Variants in CSMD3 observed in about 807,000 individuals in gnomAD.
CSMD3 encodes the protein CUB and sushi domain-containing protein 3.
In CSMD3, 177 loss-of-function variants were observed where a neutral mutation model predicts 435.2. The observed-to-expected ratio is 0.41, with a 90% CI of 0.36 to 0.46. CSMD3 has a LOEUF of 0.46. Ranked by LOEUF, CSMD3 falls within the 20% of genes least tolerant of loss-of-function variation. The pLI is 0.34. For synonymous variants in CSMD3, 1,656 were observed against 1,520.5 expected (o/e 1.09, Z -2.07); for missense variants, 4,265 against 4,504.6 (o/e 0.95, Z 1.52).
intron 13 of CSMD3, among the ~76,000 whole-genome samples, chr8:112,750,844 T>C (rs2077553113): frequency 6.6e-6 from 1 of 152,122 alleles, no homozygotes; most frequent in Non-Finnish European, 1.5e-5. Flanking sequence ...AGCACAGATT[T>C]GAACTGTTTG....
intron 61 of CSMD3, among the ~76,000 whole-genome samples, chr8:112,257,634 A>C (rs2130309352): frequency 6.6e-6 from 1 of 152,342 alleles, no homozygotes; most frequent in Non-Finnish European, 1.5e-5. Flanking sequence ...ATCAGAGAGG[A>C]CACAAATAAA....
chr8:113,312,375 G>A (rs556752112), intron 2 of CSMD3: 1 of 152,028 alleles, frequency 6.6e-6, no homozygotes. Flanking sequence ...AATGTTAAGG[G>A]TTAGAGTCAC....
intron 34 of CSMD3, 88 bp from the exon 35 acceptor site, chr8:112,406,815 AATC>A (rs1831902278): frequency 4.0e-6 from 3 of 756,448 alleles, no homozygotes; most frequent in Non-Finnish European, 6.2e-6. Context: ...ATTTTTGAGA[AATC>A]ATCACTTTTT....
At chr8:112,367,944 T>G (rs1827945234) in intron 38 of CSMD3, among the ~76,000 whole-genome samples, 2 of 152,288 alleles carry the variant, frequency 1.3e-5, no homozygotes, top group Non-Finnish European at 2.9e-5. Context: ...CAATAAGCAC[T>G]TTATTTATTT....
intron 3 of CSMD3, among the ~76,000 whole-genome samples, chr8:113,200,202 T>C (rs997146362): frequency 6.6e-6 from 1 of 150,914 alleles, no homozygotes; most frequent in African/African-American, 2.5e-5. Context: ...CTCTTATTCT[T>C]TTTTTTTCCT....
At chr8:112,913,658 CCT>C (rs1274271194) in intron 10 of CSMD3, among the ~76,000 whole-genome samples, 1 of 151,764 alleles carries the variant, frequency 6.6e-6, no homozygotes, top group Non-Finnish European at 1.5e-5. Context: ...CACCCCTCTC[CCT>C]CTGTTTTTCT....
Position 112,408,344 on chromosome 8 carries a change from G to T in CSMD3, c.5579C>A (p.Ala1860Asp). The T allele has an allele frequency of 1.2e-6, 2 of 1,609,066 alleles. No homozygotes were observed. The highest frequency in any genetic ancestry group is 1.7e-6 in the Non-Finnish European group (2 of 1,175,810). Reference sequence around the variant, plus strand: ...TTGGTAAACAAAGTGAAATCCCTTAGCTGTTATTGGTCCAACTGAAGTAAA... The same window carrying T: ...TTGGTAAACAAAGTGAAATCCCTTATCTGTTATTGGTCCAACTGAAGTAAA... ...IRFTSVGPIT[A>D]KGFHFVYQAV... Residue 1860 changes from alanine (A) to aspartate (D), a missense_variant, in exon 34 of 71, where the codon GCT becomes GAT. Transcript: ENST00000297405.
At chr8:113,058,585 A>T (rs1331467037) in intron 5 of CSMD3, among the ~76,000 whole-genome samples, 1 of 151,988 alleles carries the variant, frequency 6.6e-6, no homozygotes, top group Admixed American at 6.6e-5. Flanking sequence ...TATATTAGAA[A>T]CATTCATAAT....
intron 27 of CSMD3, among the ~76,000 whole-genome samples, chr8:112,517,866 G>T (rs760641360): frequency 2.6e-5 from 4 of 152,120 alleles, no homozygotes; most frequent in African/African-American, 9.7e-5. Flanking sequence ...ACTTTCTTAC[G>T]AAACTAACCA....
intron 28 of CSMD3, among the ~76,000 whole-genome samples, chr8:112,507,119 C>T (rs986913440): frequency 2.0e-5 from 3 of 151,692 alleles, no homozygotes; most frequent in African/African-American, 7.3e-5. Flanking sequence ...TGTTTCATGT[C>T]AAAAGAAAAG....
chr8:113,010,837 G>T lies in CSMD3; in HGVS notation c.1030+8230C>A, dbSNP rs112918925. ...ATTTTCTTTTTAATTATAAACCAGA[G>T]TCACTACAGTATCAATGCTATGAAG... is the stretch of plus-strand genomic sequence containing the variant. On this transcript the variant is annotated intron_variant, in intron 6 of 70. Transcript: ENST00000297405. Among the ~76,000 whole-genome samples the T allele has an allele frequency of 8.3e-3, 1,252 of 151,586 alleles. 30 individuals are homozygous for T. Among genetic ancestry groups the T allele is most frequent in the African/African-American group, 0.029 (1,185 of 41,468 alleles).
At chr8:112,877,177 T>C (rs1487260609) in intron 10 of CSMD3, among the ~76,000 whole-genome samples, 1 of 152,074 alleles carries the variant, frequency 6.6e-6, no homozygotes, top group African/African-American at 2.4e-5. Flanking sequence ...AAAATGGCAA[T>C]ACTGCCCAAA....
At chr8:112,790,273 T>G (rs1160365609) in intron 13 of CSMD3, among the ~76,000 whole-genome samples, 2 of 151,988 alleles carry the variant, frequency 1.3e-5, no homozygotes, top group African/African-American at 4.8e-5. Flanking sequence ...ATCAGGAATA[T>G]AGCAAAGGTA....
At chr8:113,263,612 C>T (rs533707805) in intron 3 of CSMD3, among the ~76,000 whole-genome samples, 13 of 151,792 alleles carry the variant, frequency 8.6e-5, no homozygotes, top group South Asian at 6.2e-4. Context: ...GACTTTTGGG[C>T]GCTTCTTTTT....
intron 6 of CSMD3, among the ~76,000 whole-genome samples, chr8:112,994,518 T>G (rs2085572593): frequency 6.6e-6 from 1 of 151,696 alleles, no homozygotes; most frequent in Non-Finnish European, 1.5e-5. Flanking sequence ...GTTCCCAATA[T>G]GTCTATTATA....
chr8:113,296,950 C>T (rs1342193948), intron 2 of CSMD3, among the ~76,000 whole-genome samples: 32 of 152,028 alleles, frequency 2.1e-4, no homozygotes, highest in Admixed American at 2.1e-3. Context: ...AAAAATAAAG[C>T]ATTTATAGAA....
At chr8:112,275,733 C>T (rs949616805) in intron 59 of CSMD3, among the ~76,000 whole-genome samples, 8 of 152,146 alleles carry the variant, frequency 5.3e-5, no homozygotes, top group South Asian at 2.1e-4. Context: ...TTATTCACTA[C>T]ATGAGACAAG....
chr8:113,399,106 T>TATATATATACACACACAC (rs773585004), intron 1 of CSMD3, among the ~76,000 whole-genome samples: 73 of 95,060 alleles, frequency 7.7e-4, no homozygotes, highest in African/African-American at 3.1e-3. Flanking sequence ...TATATATATA[T>TATATATATACACACACAC]ACACACACAC....
intron 3 of CSMD3, among the ~76,000 whole-genome samples, chr8:113,250,104 C>T (rs531168566): frequency 3.2e-4 from 49 of 152,098 alleles, no homozygotes; most frequent in African/African-American, 1.1e-3. Context: ...AAAACAGACA[C>T]GAACAACAGT....
Sources: allele counts gnomAD v4.1 joint callset (sites outside exome capture counted in the v4.1 genomes callset), GRCh38; gene constraint gnomAD v4.1.1; transcripts MANE v1.5; gene names NCBI Gene and HGNC (gene_info 2026-07-23, HGNC 2026-07-21).